UBASH3A: variants seen among roughly 807,000 people sequenced by gnomAD.
UBASH3A encodes ubiquitin associated and SH3 domain containing A.
A neutral mutation model predicts 73.5 loss-of-function variants in UBASH3A; 63 were observed. That is an observed-to-expected ratio of 0.86 (90% CI 0.70 to 1.06). The LOEUF (loss-of-function observed/expected upper bound fraction) is 1.06. Among genes scored for constraint, UBASH3A ranks in the 50% least tolerant of loss-of-function variants. UBASH3A has a pLI of 0.00. For synonymous variants in UBASH3A, 363 were observed against 351.1 expected (o/e 1.03, Z -0.38); for missense variants, 860 against 859.0 (o/e 1.00, Z -0.02).
chr21:42,418,756 T>C (rs770397152), intron 7 of UBASH3A, 147 bp downstream of exon 7: 15 of 716,176 alleles, frequency 2.1e-5, no homozygotes, highest in Non-Finnish European at 3.4e-5. Context: ...TGCAGGTATA[T>C]AGTAAACATC....
rs1013685599 is a variant in UBASH3A at position 42,437,501 on chromosome 21, G to T, written c.1407G>T (p.Leu469=). 1.2e-6 allele frequency: 2 copies of T among 1,614,212 alleles called. No homozygotes were observed. The highest frequency in any genetic ancestry group is 1.7e-6 in the Non-Finnish European group (2 of 1,180,012). The change falls in exon 11 of 15, where the codon CTG becomes CTT. Residue 469 remains leucine (L), a synonymous_variant. Transcript: ENST00000319294. ...FQSRIAGDAL[L]DSGIRISSVF... ...ACTATTTTCCAGGGGACGCGCTACT[G>T]GACAGTGGTATCAGAATCAGCTCTG... is the stretch of plus-strand genomic sequence containing the variant.
rs1011298970 is a variant in UBASH3A, at chr21:42,412,927, A to T, written c.355-97A>T. The stretch of plus-strand genomic sequence containing the variant: ...GTTACAGCGCTTTGAACAGAAAAGA[A>T]TCTCACTTTAATTGCTGCCTGATTG... On this transcript the variant is annotated intron_variant, in intron 3 of 14. Transcript: ENST00000319294. 1.2e-5 allele frequency: 13 copies of T among 1,040,684 alleles called. No homozygotes were observed. The African/African-American group carries it at 1.3e-4, about 10-fold the overall frequency. The allele number at this position is 1,040,684 out of a possible 1,614,324, so 64.5% of individuals were successfully genotyped here. A position where few individuals can be genotyped will look rare whatever the true frequency, so the allele number is the denominator to read the frequency against.
At position 42,418,496 on chromosome 21, in the gene UBASH3A, C is replaced by T. The variant is rs749658882; in HGVS notation, c.933C>T (p.Asp311=). Residue 311 remains aspartate, a synonymous_variant, in exon 7 of 15, where the codon GAC becomes GAT. Coordinates refer to ENST00000319294, the MANE Select transcript of UBASH3A (RefSeq NM_018961.4). The stretch of plus-strand genomic sequence containing the variant: ...TCTTTGTGGACCCCACGCAGCAGGA[C>T]GAAGCCAGCGAGGGCTGGGTGATTG... The part of the protein sequence containing the change: ...DYIFVDPTQQ[D]EASEGWVIGI... The T allele has an allele frequency of 1.9e-5, 31 of 1,614,228 alleles. No individual in the cohort carries two copies. The highest frequency in any genetic ancestry group is 1.7e-4 in the Admixed American group (10 of 60,032).
chr21:42,421,062 T>G (rs980816318), intron 7 of UBASH3A, among the ~76,000 whole-genome samples: 1 of 152,240 alleles, frequency 6.6e-6, no homozygotes, highest in African/African-American at 2.4e-5. Context: ...CTGGCCAAGT[T>G]GCCACACCAT....
chr21:42,428,852 C>A (rs1018153432), intron 8 of UBASH3A, among the ~76,000 whole-genome samples: 18 of 152,088 alleles, frequency 1.2e-4, no homozygotes, highest in African/African-American at 4.1e-4. Flanking sequence ...GATTTCACCC[C>A]TTCCCTACAG....
intron 7 of UBASH3A, among the ~76,000 whole-genome samples, chr21:42,424,472 T>C (rs55675850): frequency 0.058 from 8,886 of 152,266 alleles, 371 homozygotes; most frequent in Middle Eastern, 0.13. Context: ...CTGGAGAGAC[T>C]GGTGATGGAG....
chr21:42,416,438 A>G lies in UBASH3A; in HGVS notation c.668-4A>G, dbSNP rs775555799. ...GCACCCTCTGTGTTTCCCTGATTTC[A>G]CAGACTGCTCCGTGAAGCCTTGCAC... is the stretch of plus-strand genomic sequence containing the variant. On this transcript the variant is annotated splice_region_variant and splice_polypyrimidine_tract_variant and intron_variant, in intron 5 of 14. Coordinates refer to ENST00000319294, the MANE Select transcript of UBASH3A (RefSeq NM_018961.4). 1 of 1,566,628 alleles carries G rather than the reference A, an allele frequency of 6.4e-7. No individual in the cohort carries two copies. The highest frequency in any genetic ancestry group is 8.6e-7 in the Non-Finnish European group (1 of 1,159,476).
intron 10 of UBASH3A, among the ~76,000 whole-genome samples, chr21:42,436,253 A>T (rs974274738): frequency 6.6e-6 from 1 of 152,220 alleles, no homozygotes; most frequent in Non-Finnish European, 1.5e-5. Flanking sequence ...AAAGTCATAG[A>T]GTCATAGAGT....
Position 42,404,032 on chromosome 21 carries a change from G to A in UBASH3A, c.87G>A (p.Leu29=). The change falls in exon 1 of 15, where the codon CTG becomes CTA. Residue 29 remains leucine (L), a synonymous_variant. Transcript: ENST00000319294. ...GCCCCTCGCTCCTGGAGCCCCTCCT[G>A]GCCATGGGCTTCCCGGTGCACACCG... is the stretch of plus-strand genomic sequence containing the variant. The part of the protein sequence containing the change: ...RSSPSLLEPL[L]AMGFPVHTAL... The A allele has an allele frequency of 6.6e-7, 1 of 1,524,692 alleles. No homozygotes were observed. The highest frequency in any genetic ancestry group is 8.8e-7 in the Non-Finnish European group (1 of 1,131,596). 94.4% of individuals were successfully genotyped at this position (1,524,692 alleles called of 1,614,324 possible). A position where few individuals can be genotyped will look rare whatever the true frequency, so the allele number is the denominator to read the frequency against.
chr21:42,445,817 CA>C (rs1350260162), intron 14 of UBASH3A, among the ~76,000 whole-genome samples: 1 of 152,160 alleles, frequency 6.6e-6, no homozygotes, highest in Non-Finnish European at 1.5e-5. Context: ...CTTGAGCCAC[CA>C]GGTGAGCATT....
At chr21:42,443,451 C>G (rs1250515422) in intron 13 of UBASH3A, 33 bp downstream of exon 13, 18 of 1,539,190 alleles carry the variant, frequency 1.2e-5, no homozygotes, top group Admixed American at 2.0e-5. Context: ...TATGAACAGC[C>G]CCTGGGGCTT....
rs902300568 is a variant in UBASH3A at position 42,444,594 on chromosome 21, T to C, written c.1799T>C (p.Leu600Pro). The C allele has an allele frequency of 6.2e-7, 1 of 1,614,208 alleles. No homozygotes were observed. Residue 600 changes from leucine to proline, a missense_variant, in exon 14 of 15, where the codon CTC (leucine) becomes CCC (proline). Transcript: ENST00000319294. ...STLDSCTRPL[L>P]GLPPRECGDF... ...CTGGACTCCTGCACGCGGCCACTGCTCGGGCTGCCGCCCCGGGAATGTGGG... is the reference window on the plus strand; with the variant it reads ...CTGGACTCCTGCACGCGGCCACTGCCCGGGCTGCCGCCCCGGGAATGTGGG...
chr21:42,414,497 G>A (rs2053163131), intron 5 of UBASH3A, among the ~76,000 whole-genome samples: 2 of 152,112 alleles, frequency 1.3e-5, no homozygotes. Flanking sequence ...GTAGAGCGGT[G>A]TCCCCTAAAA....
intron 7 of UBASH3A, among the ~76,000 whole-genome samples, chr21:42,425,390 G>A (rs753359632): frequency 2.0e-5 from 3 of 152,340 alleles, no homozygotes; most frequent in East Asian, 1.9e-4. Flanking sequence ...AGAGCGAGCC[G>A]CAGGGAGGCT....
chr21:42,410,413 C>T (rs1266070163), intron 3 of UBASH3A: 4 of 536,626 alleles, frequency 7.5e-6, no homozygotes, highest in African/African-American at 3.8e-5. Flanking sequence ...AAGGAACCCT[C>T]CATTCCAACA....
intron 5 of UBASH3A, among the ~76,000 whole-genome samples, chr21:42,414,636 C>G: frequency 6.6e-6 from 1 of 152,148 alleles, no homozygotes; most frequent in East Asian, 1.9e-4. Flanking sequence ...CGCACAGAGA[C>G]ACAGAGAAGC....
At chr21:42,419,081 C>T (rs566608064) in intron 7 of UBASH3A, among the ~76,000 whole-genome samples, 6 of 152,150 alleles carry the variant, frequency 3.9e-5, no homozygotes, top group Non-Finnish European at 7.3e-5. Flanking sequence ...GTCCTCAGCT[C>T]GGGGTCTCAA....
At chr21:42,443,840 C>A (rs945253539) in intron 13 of UBASH3A, among the ~76,000 whole-genome samples, 10 of 152,092 alleles carry the variant, frequency 6.6e-5, no homozygotes, top group Non-Finnish European at 1.3e-4. Flanking sequence ...TGGAACCCCC[C>A]ATCCTGGGAC....
At chr21:42,442,374 G>A (rs1261681758) in intron 11 of UBASH3A, 78 bp from the exon 12 acceptor site, 11 of 1,438,408 alleles carry the variant, frequency 7.6e-6, no homozygotes, top group Non-Finnish European at 9.6e-6. Context: ...GACGGTCTGA[G>A]ATCTAAAAGG....
Sources: gnomAD v4.1 joint callset for allele counts (sites outside exome capture counted in the v4.1 genomes callset) on GRCh38, gnomAD v4.1.1 for gene constraint, MANE v1.5 for transcripts, NCBI Gene and HGNC (gene_info 2026-07-23, HGNC 2026-07-21) for gene names.